DTL: variants seen among roughly 807,000 people sequenced by gnomAD.
DTL encodes the protein denticleless protein homolog.
In DTL, 46 loss-of-function variants were observed where a neutral mutation model predicts 87.0. The observed-to-expected ratio is 0.53, with a 90% CI of 0.42 to 0.68. The LOEUF is 0.68. Ranked by LOEUF, DTL falls within the 30% of genes least tolerant of loss-of-function variation. The pLI is 0.00. For synonymous variants in DTL, 308 were observed against 311.2 expected, an observed-to-expected ratio of 0.99 and a Z score of 0.11; for missense variants, 737 against 869.4, an observed-to-expected ratio of 0.85 and a Z score of 1.91.
intron 1 of DTL, among the ~76,000 whole-genome samples, chr1:212,039,926 G>A (rs552215862): frequency 2.0e-5 from 3 of 152,344 alleles, no homozygotes; most frequent in African/African-American, 4.8e-5. Flanking sequence ...CAGTCAGCAC[G>A]AAGACCTGGG....
chr1:212,099,511 G>C (rs1356049075), intron 13 of DTL: 1 of 152,760 alleles, frequency 6.5e-6, no homozygotes, highest in Non-Finnish European at 1.5e-5. Context: ...TGGGATTACA[G>C]GCATGAGCCA....
chr1:212,051,365 A>T (rs1168385853), intron 5 of DTL, among the ~76,000 whole-genome samples: 2 of 133,638 alleles, frequency 1.5e-5, no homozygotes, highest in African/African-American at 2.8e-5. Context: ...GTAATAATTT[A>T]CCTTAGTTTT....
intron 5 of DTL, among the ~76,000 whole-genome samples, chr1:212,062,507 C>G (rs571512360): frequency 6.6e-6 from 1 of 152,220 alleles, no homozygotes; most frequent in Non-Finnish European, 1.5e-5. Context: ...TTGGTACTTA[C>G]CTAATAAGGT....
At chr1:212,062,387 G>A (rs1290491727) in intron 5 of DTL, among the ~76,000 whole-genome samples, 3 of 150,954 alleles carry the variant, frequency 2.0e-5, no homozygotes, top group African/African-American at 7.3e-5. Context: ...ATATGGATCT[G>A]GTCCATATTT....
chr1:212,055,387 T>C (rs1009348974), intron 5 of DTL, among the ~76,000 whole-genome samples: 2 of 151,964 alleles, frequency 1.3e-5, no homozygotes, highest in African/African-American at 2.4e-5. Context: ...CAGAGAGATA[T>C]CATACTGGGT....
intron 5 of DTL, among the ~76,000 whole-genome samples, chr1:212,058,131 C>T (rs1241293081): frequency 6.6e-6 from 1 of 152,236 alleles, no homozygotes; most frequent in East Asian, 1.9e-4. Flanking sequence ...TTGAGGACTT[C>T]AGCCACCCCA....
intron 1 of DTL, among the ~76,000 whole-genome samples, chr1:212,042,039 G>C (rs933385526): frequency 6.6e-6 from 1 of 152,200 alleles, no homozygotes; most frequent in Non-Finnish European, 1.5e-5. Flanking sequence ...TGAGGATTCA[G>C]AGTACCCTAA....
At chr1:212,066,725 GA>G in intron 7 of DTL, 86 bp from the exon 8 acceptor site, 1 of 1,151,036 alleles carries the variant, frequency 8.7e-7, no homozygotes, top group Non-Finnish European at 1.3e-6. Flanking sequence ...AGTCTGGGGA[GA>G]AAAGTCGTTT....
chr1:212,085,485 A>G (rs1655106578), intron 13 of DTL, among the ~76,000 whole-genome samples: 1 of 152,056 alleles, frequency 6.6e-6, no homozygotes. Flanking sequence ...CCCATATTCT[A>G]ATTGGGTTAT....
At position 212,078,281 on chromosome 1, in the gene DTL, A is replaced by G. The variant is rs201261055; in HGVS notation, c.1125+19A>G. On this transcript the variant is annotated intron_variant, in intron 12 of 14. Transcript: ENST00000366991. ...CACAAAGGTTTGTAAATGAATCTCTATAGTTGGTTTAAAATGTAGATCACA... is the reference window on the plus strand; with the variant it reads ...CACAAAGGTTTGTAAATGAATCTCTGTAGTTGGTTTAAAATGTAGATCACA... The G allele has an allele frequency of 1.1e-4, 154 of 1,462,636 alleles. No individual in the cohort carries two copies. The East Asian group carries it at 3.1e-3, about 30-fold the overall frequency. The allele number at this position is 1,462,636 out of a possible 1,614,324, so 90.6% of individuals were successfully genotyped here.
At chr1:212,089,704 G>A (rs1248516938) in intron 13 of DTL, among the ~76,000 whole-genome samples, 2 of 152,002 alleles carry the variant, frequency 1.3e-5, no homozygotes, top group East Asian at 3.9e-4. Context: ...GACCCCCATG[G>A]ACCACTTCCT....
intron 1 of DTL, among the ~76,000 whole-genome samples, chr1:212,037,510 T>A (rs1192273343): frequency 6.6e-6 from 1 of 152,206 alleles, no homozygotes; most frequent in Non-Finnish European, 1.5e-5. Context: ...TTGGAAACTG[T>A]GACTTTAGGG....
In DTL at chr1:212,102,961, C is replaced by T; in HGVS notation, c.*21C>T. ...TATAGATTCTAATCTGAGTGAGTTA[C>T]TGAGCTTTGGTCCACTAAAACAAGC... On this transcript the variant is annotated 3_prime_UTR_variant, in exon 15 of 15. Coordinates refer to ENST00000366991, the MANE Select transcript of DTL (RefSeq NM_016448.4). 6.9e-7 allele frequency: 1 copy of T among 1,449,626 alleles called. No individual in the cohort carries two copies. The highest frequency in any genetic ancestry group is 9.6e-7 in the Non-Finnish European group (1 of 1,043,584). The allele number at this position is 1,449,626 out of a possible 1,614,324, so 89.8% of individuals were successfully genotyped here.
intron 5 of DTL, among the ~76,000 whole-genome samples, chr1:212,049,880 CTT>C (rs78685898): frequency 6.8e-6 from 1 of 146,882 alleles, no homozygotes; most frequent in Non-Finnish European, 1.5e-5. Flanking sequence ...AATATGAATA[CTT>C]TTTTTTTTTT....
At chr1:212,099,302 T>G (rs1655542198) in intron 13 of DTL, among the ~76,000 whole-genome samples, 1 of 152,146 alleles carries the variant, frequency 6.6e-6, no homozygotes, top group Non-Finnish European at 1.5e-5. Flanking sequence ...CATGCGATCT[T>G]GGCTCACTGC....
chr1:212,037,170 A>C (rs932486209), intron 1 of DTL, among the ~76,000 whole-genome samples: 2 of 152,012 alleles, frequency 1.3e-5, no homozygotes, highest in African/African-American at 4.8e-5. Context: ...ACCTTACTAT[A>C]TGTGTGTTCT....
At chr1:212,093,552 C>T (rs1405377089) in intron 13 of DTL, among the ~76,000 whole-genome samples, 1 of 152,210 alleles carries the variant, frequency 6.6e-6, no homozygotes, top group African/African-American at 2.4e-5. Context: ...CCTTGGCGGC[C>T]CCAGTTCTCC....
intron 2 of DTL, among the ~76,000 whole-genome samples, chr1:212,043,495 C>T (rs1392643549): frequency 1.3e-5 from 2 of 152,096 alleles, no homozygotes; most frequent in African/African-American, 2.4e-5. Flanking sequence ...AGTACTTCAG[C>T]CAGGCTCAGT....
At chr1:212,081,719 T>C (rs962784826) in intron 13 of DTL, among the ~76,000 whole-genome samples, 4 of 152,180 alleles carry the variant, frequency 2.6e-5, no homozygotes, top group African/African-American at 7.2e-5. Flanking sequence ...AGGGATCAGA[T>C]GTGGGGCTAT....
Sources: gnomAD v4.1 joint callset for allele counts (sites outside exome capture counted in the v4.1 genomes callset) on GRCh38, gnomAD v4.1.1 for gene constraint, MANE v1.5 for transcripts, NCBI Gene and HGNC (gene_info 2026-07-23, HGNC 2026-07-21) for gene names.